Variants in FRMPD2 observed in about 807,000 individuals in gnomAD.
FRMPD2 encodes FERM and PDZ domain-containing protein 2.
In FRMPD2, 96 loss-of-function variants were observed where a neutral mutation model predicts 140.1. The observed-to-expected ratio is 0.69, with a 90% CI of 0.58 to 0.81. FRMPD2 has a LOEUF of 0.81. FRMPD2 is among the 40% of genes least tolerant of loss of function. The pLI is 0.00. For missense variants in FRMPD2, 1,240 were observed against 1,447.4 expected (o/e 0.86, Z 2.32); for synonymous variants, 449 against 547.6 (o/e 0.82, Z 2.52).
At chr10:48,207,468 T>C (rs1414467249) in intron 13 of FRMPD2, among the ~76,000 whole-genome samples, 3 of 152,168 alleles carry the variant, frequency 2.0e-5, no homozygotes, top group Non-Finnish European at 4.4e-5. Context: ...CTCCTCACCA[T>C]GTAGCAATGC....
intron 7 of FRMPD2, 56 bp downstream of exon 7, chr10:48,239,549 C>A: frequency 1.6e-6 from 2 of 1,257,796 alleles, no homozygotes; most frequent in Non-Finnish European, 2.3e-6. Flanking sequence ...GTACCATAGC[C>A]CCCACACCTA....
intron 17 of FRMPD2, among the ~76,000 whole-genome samples, chr10:48,186,880 C>T (rs1164881309): frequency 6.6e-6 from 1 of 152,040 alleles, no homozygotes; most frequent in Admixed American, 6.6e-5. Flanking sequence ...GATGTTCTGG[C>T]CTGCATAAAG....
chr10:48,268,567 C>T (rs1374737437), intron 1 of FRMPD2, among the ~76,000 whole-genome samples: 1 of 152,216 alleles, frequency 6.6e-6, no homozygotes, highest in Non-Finnish European at 1.5e-5. Context: ...GAATACTACT[C>T]AGCAATAAAG....
intron 1 of FRMPD2, among the ~76,000 whole-genome samples, chr10:48,251,959 A>G (rs1233312697): frequency 6.6e-6 from 1 of 152,234 alleles, no homozygotes; most frequent in Non-Finnish European, 1.5e-5. Flanking sequence ...GAAAGGTTAA[A>G]TGAATAAATA....
chr10:48,258,729 CA>C (rs1006306062), intron 1 of FRMPD2, among the ~76,000 whole-genome samples: 1 of 152,182 alleles, frequency 6.6e-6, no homozygotes, highest in African/African-American at 2.4e-5. Flanking sequence ...CCCGTTTTCC[CA>C]GTGTTTGCCA....
intron 10 of FRMPD2, among the ~76,000 whole-genome samples, chr10:48,229,441 T>C (rs1181160459): frequency 6.6e-6 from 1 of 152,120 alleles, no homozygotes; most frequent in Non-Finnish European, 1.5e-5. Context: ...TGACCTTGAA[T>C]TTACTTTGGG....
chr10:48,187,399 A>T, intron 16 of FRMPD2, 107 bp from the exon 17 acceptor site: 3 of 865,914 alleles, frequency 3.5e-6, no homozygotes, highest in South Asian at 3.1e-5. Flanking sequence ...CTGAGTATGG[A>T]TGATGGCCCG....
chr10:48,236,665 C>T lies in FRMPD2; in HGVS notation c.922-112G>A, dbSNP rs1410077343. 5.1e-6 allele frequency: 5 copies of T among 989,990 alleles called. No homozygotes were observed. In the African/African-American group the frequency reaches 6.4e-5, roughly 13 times the overall value. The allele number at this position is 989,990 out of a possible 1,614,324, so 61.3% of individuals were successfully genotyped here. On this transcript the variant is annotated intron_variant, in intron 8 of 28. Coordinates refer to ENST00000374201, the MANE Select transcript of FRMPD2 (RefSeq NM_001018071.4). Reference sequence around the variant, plus strand: ...CCCCACCAGCATACATTCCCCAGAGCCAGCAGAAAACAGGCCAAGATGGGG... The same window carrying T: ...CCCCACCAGCATACATTCCCCAGAGTCAGCAGAAAACAGGCCAAGATGGGG...
rs1046319634 is a variant in FRMPD2 at position 48,206,854 on chromosome 10, G to T, written c.1691C>A (p.Ala564Asp). Residue 564 changes from alanine (A) to aspartate (D), a missense_variant, in exon 14 of 29, where the codon GCC (alanine) becomes GAC (aspartate). Physicochemically the swap from Ala to Asp is moderately radical, Grantham distance 126. Transcript: ENST00000374201. ...GACACCCTTGGCACAGATCCCCAGG[G>T]CCATCTCCTCTTCTGGCCTCCTCTT... ...SEKRRPEEEM[A>D]LGICAKGVIV... The T allele has an allele frequency of 1.2e-6, 2 of 1,613,930 alleles. No homozygotes were observed. Among genetic ancestry groups the T allele is most frequent in the Middle Eastern group, 1.6e-4 (1 of 6,084 alleles).
intron 28 of FRMPD2, among the ~76,000 whole-genome samples, chr10:48,162,046 C>T (rs1342281744): frequency 1.3e-5 from 2 of 150,628 alleles, no homozygotes; most frequent in African/African-American, 4.9e-5. Flanking sequence ...AGGAAAGTAC[C>T]ATTCCTTTAA....
intron 13 of FRMPD2, among the ~76,000 whole-genome samples, chr10:48,211,030 C>T (rs1326188689): frequency 6.6e-6 from 1 of 152,266 alleles, no homozygotes; most frequent in African/African-American, 2.4e-5. Context: ...TCTCCCTGGT[C>T]CCCACATCTT....
chr10:48,232,266 CA>C lies in FRMPD2; in HGVS notation c.1016del (p.Leu339TrpfsTer11), dbSNP rs1564433459. Reference protein sequence around the residue: ...SVVTKKGKSYLALRDLCVVLL... With the variant: ...SVVTKKGKSYXALRDLCVVLL... Reference sequence around the variant, plus strand: ...GGACCACACAGAGGTCCCTGAGAGCCAAATAGGATTTCCCTTTTTTGGTCTG... The same window carrying C: ...GGACCACACAGAGGTCCCTGAGAGCCAATAGGATTTCCCTTTTTTGGTCTG... On this transcript the variant is annotated frameshift_variant, in exon 10 of 29. Coordinates refer to ENST00000374201, the MANE Select transcript of FRMPD2 (RefSeq NM_001018071.4). LOFTEE classifies it high-confidence loss of function. The C allele has an allele frequency of 2.5e-6, 4 of 1,611,384 alleles. No homozygotes were observed. The highest frequency in any genetic ancestry group is 2.5e-6 in the Non-Finnish European group (3 of 1,178,556).
chr10:48,266,538 A>T (rs1451372107), intron 1 of FRMPD2, among the ~76,000 whole-genome samples: 1 of 152,268 alleles, frequency 6.6e-6, no homozygotes, highest in African/African-American at 2.4e-5. Context: ...ATAGACCAAT[A>T]CATATACATT....
Position 48,238,260 on chromosome 10 carries a change from G to A in FRMPD2, c.789-137C>T, listed in dbSNP as rs147609741. 6.1e-4 allele frequency: 535 copies of A among 871,666 alleles called. 4 individuals carry two copies. In the African/African-American group the frequency reaches 8.0e-3, roughly 13 times the overall value. The allele number at this position is 871,666 out of a possible 1,614,324, so 54.0% of individuals were successfully genotyped here. A position where few individuals can be genotyped will look rare whatever the true frequency, so the allele number is the denominator to read the frequency against. On this transcript the variant is annotated intron_variant, in intron 7 of 28. Transcript: ENST00000374201. ...GTCACCTTCTCCCCCACCTATGGGG[G>A]AGTTATATCCATTTTTCAAGTGGGG... is the stretch of plus-strand genomic sequence containing the variant.
chr10:48,232,413 A>G lies in FRMPD2; in HGVS notation c.994-124T>C, dbSNP rs1022509757. 45 of 694,804 alleles carry G rather than the reference A, an allele frequency of 6.5e-5. No homozygotes were observed. The African/African-American group carries it at 6.9e-4, about 11-fold the overall frequency. 43.0% of individuals were successfully genotyped at this position (694,804 alleles called of 1,614,324 possible). The stretch of plus-strand genomic sequence containing the variant: ...ATTTAATTGACAACTCTAAAAGATA[A>G]GTATATTTACAATTCCTATGCAGCA... On this transcript the variant is annotated intron_variant, in intron 9 of 28. Coordinates refer to ENST00000374201, the MANE Select transcript of FRMPD2 (RefSeq NM_001018071.4).
chr10:48,247,204 C>T (rs139603533), intron 3 of FRMPD2, among the ~76,000 whole-genome samples: 8 of 152,322 alleles, frequency 5.3e-5, no homozygotes, highest in Admixed American at 2.0e-4. Context: ...AGCTCAAAGA[C>T]GCTCTGGGCA....
At chr10:48,271,641 A>G (rs1352121961) in intron 1 of FRMPD2, among the ~76,000 whole-genome samples, 1 of 152,266 alleles carries the variant, frequency 6.6e-6, no homozygotes, top group African/African-American at 2.4e-5. Flanking sequence ...GGCAAGAAAA[A>G]AAAAGGGAGG....
At chr10:48,204,248 A>G (rs968926956) in intron 14 of FRMPD2, among the ~76,000 whole-genome samples, 1 of 152,218 alleles carries the variant, frequency 6.6e-6, no homozygotes, top group African/African-American at 2.4e-5. Flanking sequence ...CTTCCCTATC[A>G]GGGATATACT....
Position 48,175,071 on chromosome 10 carries a change from G to A in FRMPD2, c.2990-116C>T, listed in dbSNP as rs868947331. 72 of 543,180 alleles carry A rather than the reference G, an allele frequency of 1.3e-4. 1 individual carries two copies. In the Middle Eastern group the frequency reaches 4.9e-3, roughly 37 times the overall value. 33.6% of individuals were successfully genotyped at this position (543,180 alleles called of 1,614,324 possible). ...GCAGCCTGGAGAAGTGGGAAAGGAA[G>A]CTGAGGTGCCAGGTGTCCCCCTGGA... On this transcript the variant is annotated intron_variant, in intron 23 of 28. Coordinates refer to ENST00000374201, the MANE Select transcript of FRMPD2 (RefSeq NM_001018071.4).
Sources: gnomAD v4.1 joint callset for allele counts (sites outside exome capture counted in the v4.1 genomes callset) on GRCh38, gnomAD v4.1.1 for gene constraint, MANE v1.5 for transcripts, NCBI Gene and HGNC (gene_info 2026-07-23, HGNC 2026-07-21) for gene names.